Variants in PCDHA1 observed in about 807,000 individuals in gnomAD.
PCDHA1 encodes the protein protocadherin alpha-1.
In PCDHA1, 42 loss-of-function variants were observed where a neutral mutation model predicts 61.3. The observed-to-expected ratio is 0.69, with a 90% CI of 0.54 to 0.89. The LOEUF (loss-of-function observed/expected upper bound fraction) is 0.89. Ranked by LOEUF, PCDHA1 falls within the 40% of genes least tolerant of loss-of-function variation. The probability of loss-of-function intolerance (pLI) is 0.00; values close to 1 mark genes in which losing one functional copy is unlikely to be tolerated. For synonymous variants in PCDHA1, 610 were observed against 553.8 expected, an observed-to-expected ratio of 1.10 and a Z score of -1.43; for missense variants, 1,256 against 1,235.3, an observed-to-expected ratio of 1.02 and a Z score of -0.25.
intron 1 of PCDHA1, chr5:140,927,446 TG>T: frequency 2.1e-5 from 34 of 1,614,128 alleles, no homozygotes; most frequent in Non-Finnish European, 2.5e-5. Flanking sequence ...TACCCGGAGT[TG>T]GTGTTGGAGA....
intron 1 of PCDHA1, chr5:140,828,012 A>AT (rs1259696471): frequency 2.7e-6 from 4 of 1,508,934 alleles, no homozygotes; most frequent in Non-Finnish European, 3.6e-6. Context: ...GAAGAAATGG[A>AT]TTAATAAATT....
At chr5:140,927,318 C>T (rs149532133) in intron 1 of PCDHA1, 18,448 of 1,614,194 alleles carry the variant, frequency 0.011, 218 homozygotes, top group South Asian at 0.039. Flanking sequence ...CCGGAGCCCG[C>T]TTTACTCTCC....
At chr5:140,794,600 G>C (rs781852809) in intron 1 of PCDHA1, among the ~76,000 whole-genome samples, 22 of 152,178 alleles carry the variant, frequency 1.4e-4, no homozygotes, top group Non-Finnish European at 2.4e-4. Flanking sequence ...TTTAATCATA[G>C]TTAATATGGT....
Position 140,857,393 on chromosome 5 carries a change from G to A in PCDHA1, c.2394+68709G>A, listed in dbSNP as rs146099067. 164 of 1,598,378 alleles carry A rather than the reference G, an allele frequency of 1.0e-4. 11 individuals are homozygous for A. Among genetic ancestry groups the A allele is most frequent in the Non-Finnish European group, 1.3e-4 (157 of 1,167,892 alleles). ...GTCTGTGGAGGTGGCCGACGTGAAC[G>A]ACAACGCGCCTGCGTTCGCGCAGTC... On this transcript the variant is annotated intron_variant, in intron 1 of 3. Coordinates refer to ENST00000504120, the MANE Select transcript of PCDHA1 (RefSeq NM_018900.4).
chr5:140,787,824 G>T lies in PCDHA1; in HGVS notation c.1534G>T (p.Ala512Ser). The T allele has an allele frequency of 1.2e-6, 2 of 1,612,582 alleles. No homozygotes were observed. Among genetic ancestry groups the T allele is most frequent in the Non-Finnish European group, 1.7e-6 (2 of 1,179,790 alleles). Residue 512 changes from alanine (A) to serine (S), a missense_variant, in exon 1 of 4, where the codon GCG (alanine) becomes TCG (serine). Transcript: ENST00000504120. ...GCTGTCGAACTACGTGTCAGTGCAC[G>T]CGGAGAGCGGCAAGGTGTACGCACT... ...RALSNYVSVHAESGKVYALQP... is the reference protein window; with the variant it reads ...RALSNYVSVHSESGKVYALQP...
In PCDHA1 at chr5:140,849,851, A is replaced by G. The variant is rs148732691; in HGVS notation, c.2394+61167A>G. 6 of 1,598,254 alleles carry G rather than the reference A, an allele frequency of 3.8e-6. 1 individual carries two copies. The highest frequency in any genetic ancestry group is 2.2e-5 in the East Asian group (1 of 44,844). On this transcript the variant is annotated intron_variant, in intron 1 of 3. Coordinates refer to ENST00000504120, the MANE Select transcript of PCDHA1 (RefSeq NM_018900.4). ...AGGTGGCCGACGTGAACGACAACGC[A>G]CCAGCGTTCGCGCAGTCCGAGTACA...
In PCDHA1 at chr5:140,852,074, T is replaced by A. The variant is rs988130151; in HGVS notation, c.2394+63390T>A. On this transcript the variant is annotated intron_variant, in intron 1 of 3. Coordinates refer to ENST00000504120, the MANE Select transcript of PCDHA1 (RefSeq NM_018900.4). The stretch of plus-strand genomic sequence containing the variant: ...TTTATATTTTTCTTTCTCTTTCAGC[T>A]ATTTTATTTAATATTGTGTCAGATA... The A allele has an allele frequency of 1.4e-4, 130 of 903,068 alleles. 3 individuals carry two copies. Among genetic ancestry groups the A allele is most frequent in the Non-Finnish European group, 1.7e-4 (126 of 741,050 alleles). 55.9% of individuals were successfully genotyped at this position (903,068 alleles called of 1,614,324 possible).
chr5:140,807,304 C>T, intron 1 of PCDHA1: 1 of 1,614,150 alleles, frequency 6.2e-7, no homozygotes, highest in Non-Finnish European at 8.5e-7. Flanking sequence ...CCGAGGAGGC[C>T]AAACACGGCA....
chr5:140,867,224 C>A (rs1432488021), intron 1 of PCDHA1: 7 of 152,034 alleles, frequency 4.6e-5, no homozygotes, highest in African/African-American at 1.4e-4. Flanking sequence ...TCCCCAATTC[C>A]CATAATAAGG....
chr5:140,917,106 TC>T (rs1554197830), intron 1 of PCDHA1, among the ~76,000 whole-genome samples: 1 of 152,094 alleles, frequency 6.6e-6, no homozygotes, highest in African/African-American at 2.4e-5. Context: ...GTGCTTTACT[TC>T]CTCCAAGTGC....
Position 140,842,571 on chromosome 5 carries a change from G to A in PCDHA1, c.2394+53887G>A, listed in dbSNP as rs2150339476. The A allele has an allele frequency of 9.3e-6, 14 of 1,508,304 alleles. No individual in the cohort carries two copies. Among genetic ancestry groups the A allele is most frequent in the Non-Finnish European group, 1.2e-5 (13 of 1,110,420 alleles). The allele number at this position is 1,508,304 out of a possible 1,614,324, so 93.4% of individuals were successfully genotyped here. On this transcript the variant is annotated intron_variant, in intron 1 of 3. Coordinates refer to ENST00000504120, the MANE Select transcript of PCDHA1 (RefSeq NM_018900.4). ...CTGGACAGCGCCCTGGACCGCGAGA[G>A]AGTGTCGGCCTATGAGTTGGTGGTA...
chr5:140,958,637 A>G (rs2095435071), intron 1 of PCDHA1, among the ~76,000 whole-genome samples: 1 of 152,192 alleles, frequency 6.6e-6, no homozygotes. Flanking sequence ...TACTGCAGAA[A>G]ACCAATCACA....
Position 140,927,496 on chromosome 5 carries a change from G to C in PCDHA1, c.2395-51453G>C, listed in dbSNP as rs1206944698. On this transcript the variant is annotated intron_variant, in intron 1 of 3. Transcript: ENST00000504120. ...CGAACAGCGCGCCACCCACCTGCTG[G>C]TGCTTACAGCTCGGGACGGCGGGCT... The C allele has an allele frequency of 3.7e-6, 6 of 1,614,026 alleles. No homozygotes were observed. The highest frequency in any genetic ancestry group is 5.1e-6 in the Non-Finnish European group (6 of 1,180,054).
intron 1 of PCDHA1, chr5:140,856,405 C>T: frequency 6.3e-7 from 1 of 1,598,432 alleles, no homozygotes; most frequent in Non-Finnish European, 8.6e-7. Flanking sequence ...TCCATGTGGA[C>T]GTGGAAGTGA....
At chr5:140,805,613 G>GT (rs1441449794) in intron 1 of PCDHA1, 2 of 911,990 alleles carry the variant, frequency 2.2e-6, no homozygotes, top group Non-Finnish European at 2.6e-6. Context: ...ATTTCTTTAT[G>GT]TAAGAAAATG....
chr5:140,883,870 G>A, intron 1 of PCDHA1: 1 of 1,613,302 alleles, frequency 6.2e-7, no homozygotes. Flanking sequence ...TGCAGTTCCA[G>A]GTGAGCGCGC....
intron 1 of PCDHA1, among the ~76,000 whole-genome samples, chr5:140,806,319 C>T (rs1763717488): frequency 6.6e-6 from 1 of 152,164 alleles, no homozygotes; most frequent in African/African-American, 2.4e-5. Context: ...AGCTTAGGCA[C>T]ATTACATACT....
chr5:140,871,473 A>G, intron 1 of PCDHA1: 2 of 1,600,218 alleles, frequency 1.2e-6, no homozygotes, highest in African/African-American at 1.3e-5. Flanking sequence ...GACAGGAGCC[A>G]GGGTCAAATC....
chr5:140,863,074 A>G lies in PCDHA1; in HGVS notation c.2394+74390A>G, dbSNP rs142752367. ...GCACCCGTTCCACGTGGGGCTCTGC[A>G]CGGGCGAGATCAGCACGACGAGTAC... On this transcript the variant is annotated intron_variant, in intron 1 of 3. Transcript: ENST00000504120. The G allele has an allele frequency of 2.9e-3, 1,668 of 569,744 alleles. 11 individuals are homozygous for G. Among genetic ancestry groups the G allele is most frequent in the Middle Eastern group, 0.01 (34 of 3,390 alleles). The allele number at this position is 569,744 out of a possible 1,614,324, so 35.3% of individuals were successfully genotyped here.
Sources: allele counts gnomAD v4.1 joint callset (sites outside exome capture counted in the v4.1 genomes callset), GRCh38; gene constraint gnomAD v4.1.1; transcripts MANE v1.5; gene names NCBI Gene and HGNC (gene_info 2026-07-23, HGNC 2026-07-21).